FAR2: variants seen among roughly 807,000 people sequenced by gnomAD.
The protein encoded by FAR2 is epididymis secretory protein Li 81.
In FAR2, 19 loss-of-function variants were observed where a neutral mutation model predicts 56.0. The ratio of observed to expected loss-of-function variants is 0.34; its 90% CI spans 0.24 to 0.50. The LOEUF is 0.50. FAR2 is among the 20% of genes least tolerant of loss of function. The pLI, the probability that FAR2 is intolerant of heterozygous loss-of-function variation, is 0.98. For synonymous variants in FAR2, 219 were observed against 218.8 expected (o/e 1.00, Z -0.01); for missense variants, 508 against 642.2 (o/e 0.79, Z 2.26).
At chr12:29,187,340 T>C (rs1950053965) in intron 1 of FAR2, among the ~76,000 whole-genome samples, 1 of 152,108 alleles carries the variant, frequency 6.6e-6, no homozygotes, top group Non-Finnish European at 1.5e-5. Flanking sequence ...GCTTGGAGTA[T>C]TATATAATTA....
chr12:29,314,938 A>C (rs1487116571), intron 8 of FAR2, among the ~76,000 whole-genome samples: 1 of 152,156 alleles, frequency 6.6e-6, no homozygotes, highest in Non-Finnish European at 1.5e-5. Flanking sequence ...TCATTCATTT[A>C]CTCAAAAAAT....
intron 2 of FAR2, among the ~76,000 whole-genome samples, chr12:29,288,591 C>G (rs953937724): frequency 6.6e-6 from 1 of 152,090 alleles, no homozygotes; most frequent in Non-Finnish European, 1.5e-5. Flanking sequence ...ACCATTTCAT[C>G]TTGTCCCTTC....
chr12:29,292,452 AT>A (rs1360743494), intron 2 of FAR2: 1 of 152,214 alleles, frequency 6.6e-6, no homozygotes, highest in African/African-American at 2.4e-5. Context: ...AATATTCAAC[AT>A]ATGTTTGTTG....
At chr12:29,204,233 T>TA (rs958745330) in intron 1 of FAR2, among the ~76,000 whole-genome samples, 12 of 151,068 alleles carry the variant, frequency 7.9e-5, no homozygotes, top group Non-Finnish European at 1.2e-4. Flanking sequence ...TTTTTTCACA[T>TA]TTTTTTTTCA....
At chr12:29,311,622 C>T (rs1015743935) in intron 7 of FAR2, among the ~76,000 whole-genome samples, 35 of 151,354 alleles carry the variant, frequency 2.3e-4, no homozygotes, top group Admixed American at 1.6e-3. Flanking sequence ...TGTGAACTCA[C>T]ATATATGTAC....
chr12:29,205,490 G>A (rs1317717467), intron 1 of FAR2, among the ~76,000 whole-genome samples: 1 of 152,136 alleles, frequency 6.6e-6, no homozygotes, highest in East Asian at 1.9e-4. Flanking sequence ...AATGACATGT[G>A]GATACTAAAA....
chr12:29,244,828 A>G (rs1254416099), intron 1 of FAR2, among the ~76,000 whole-genome samples: 1 of 152,172 alleles, frequency 6.6e-6, no homozygotes, highest in African/African-American at 2.4e-5. Flanking sequence ...CCCTTAAAGA[A>G]CTTGTACAGC....
At chr12:29,247,288 T>A (rs1948143933) in intron 1 of FAR2, among the ~76,000 whole-genome samples, 1 of 152,220 alleles carries the variant, frequency 6.6e-6, no homozygotes, top group African/African-American at 2.4e-5. Flanking sequence ...ATGAAGCAAC[T>A]AATGCTGTGC....
At chr12:29,161,674 T>G (rs1319410438) in intron 1 of FAR2, among the ~76,000 whole-genome samples, 1 of 152,234 alleles carries the variant, frequency 6.6e-6, no homozygotes, top group Non-Finnish European at 1.5e-5. Context: ...TGAAATTGCT[T>G]TATGCAAAGA....
chr12:29,189,385 C>T (rs80341844), intron 1 of FAR2, among the ~76,000 whole-genome samples: 1 of 152,250 alleles, frequency 6.6e-6, no homozygotes, highest in South Asian at 2.1e-4. Context: ...CTTTGATATA[C>T]CCGTATCCTT....
chr12:29,312,440 T>A (rs1037222576), intron 8 of FAR2, among the ~76,000 whole-genome samples: 2 of 152,134 alleles, frequency 1.3e-5, no homozygotes, highest in East Asian at 3.9e-4. Context: ...AGGTGTGCAA[T>A]AACCACTCCA....
intron 1 of FAR2, among the ~76,000 whole-genome samples, chr12:29,150,267 G>A (rs1053101950): frequency 6.6e-6 from 1 of 152,180 alleles, no homozygotes; most frequent in African/African-American, 2.4e-5. Flanking sequence ...ACCTGCCAGC[G>A]GTGGCACCAT....
chr12:29,307,967 A>C, intron 5 of FAR2, 132 bp downstream of exon 5: 1 of 996,696 alleles, frequency 1.0e-6, no homozygotes, highest in Non-Finnish European at 1.4e-6. Context: ...ATATGAACCC[A>C]TTATACTAGG....
chr12:29,285,173 A>G (rs1033542543), intron 2 of FAR2, among the ~76,000 whole-genome samples: 4 of 150,708 alleles, frequency 2.7e-5, no homozygotes, highest in African/African-American at 7.4e-5. Flanking sequence ...TAATTTTCAG[A>G]CTCTTTTGTA....
chr12:29,260,764 C>G (rs1591903367), intron 1 of FAR2, among the ~76,000 whole-genome samples: 2 of 152,272 alleles, frequency 1.3e-5, no homozygotes, highest in South Asian at 4.1e-4. Flanking sequence ...CCAGGAAAAG[C>G]TCACCACCCT....
chr12:29,268,313 G>C (rs894384408), intron 1 of FAR2, among the ~76,000 whole-genome samples: 1 of 152,154 alleles, frequency 6.6e-6, no homozygotes, highest in Non-Finnish European at 1.5e-5. Flanking sequence ...TGGACAGAAA[G>C]GAAGATCTTC....
intron 1 of FAR2, among the ~76,000 whole-genome samples, chr12:29,168,289 T>C (rs753972148): frequency 3.3e-5 from 5 of 152,190 alleles, no homozygotes; most frequent in Non-Finnish European, 7.3e-5. Flanking sequence ...ACTGTGAGGG[T>C]ACGTGGGGGA....
intron 1 of FAR2, among the ~76,000 whole-genome samples, chr12:29,248,617 T>C (rs1948164276): frequency 6.6e-6 from 1 of 152,222 alleles, no homozygotes. Context: ...TTGTCATTGA[T>C]AACATCTTAT....
chr12:29,197,545 T>G (rs749605568), intron 1 of FAR2, among the ~76,000 whole-genome samples: 2 of 152,230 alleles, frequency 1.3e-5, no homozygotes, highest in African/African-American at 4.8e-5. Context: ...TCAGAAAGAT[T>G]AGATAATTTG....
Sources: gnomAD v4.1 joint callset for allele counts (sites outside exome capture counted in the v4.1 genomes callset) on GRCh38, gnomAD v4.1.1 for gene constraint, MANE v1.5 for transcripts, NCBI Gene and HGNC (gene_info 2026-07-23, HGNC 2026-07-21) for gene names.